Variants in COL28A1 observed in about 807,000 individuals in gnomAD.
COL28A1 encodes the protein collagen alpha-1(XXVIII) chain.
A neutral mutation model predicts 150.2 loss-of-function variants in COL28A1; 161 were observed. That is an observed-to-expected ratio of 1.07 (90% CI 0.94 to 1.22). The LOEUF (loss-of-function observed/expected upper bound fraction) is 1.22, where lower values mean the gene tolerates loss of function less well. COL28A1 is among the 50% of genes most tolerant of loss of function. COL28A1 has a pLI of 0.00. For missense variants in COL28A1, 1,617 were observed against 1,388.3 expected (o/e 1.16, Z -2.62); for synonymous variants, 552 against 469.7 (o/e 1.18, Z -2.26).
intron 15 of COL28A1, among the ~76,000 whole-genome samples, chr7:7,464,678 G>C (rs2128341169): frequency 6.6e-6 from 1 of 152,322 alleles, no homozygotes; most frequent in Non-Finnish European, 1.5e-5. Context: ...TAAGAGGAAA[G>C]TTCATAGCCC....
intron 15 of COL28A1, among the ~76,000 whole-genome samples, chr7:7,473,348 A>T (rs747971785): frequency 1.3e-5 from 2 of 152,190 alleles, no homozygotes; most frequent in Non-Finnish European, 2.9e-5. Context: ...ATCAAGAAAA[A>T]AACAAATAAT....
chr7:7,398,842 C>A (rs1239046100), intron 27 of COL28A1, among the ~76,000 whole-genome samples: 1 of 152,160 alleles, frequency 6.6e-6, no homozygotes, highest in Non-Finnish European at 1.5e-5. Context: ...GTCTCCTTGT[C>A]CTCCTGAGTG....
At chr7:7,408,919 A>G (rs1783634402) in intron 27 of COL28A1, among the ~76,000 whole-genome samples, 1 of 152,060 alleles carries the variant, frequency 6.6e-6, no homozygotes, top group Non-Finnish European at 1.5e-5. Flanking sequence ...TCTCTCTAAC[A>G]TTTATTCTGA....
chr7:7,400,975 G>GGGGTGT (rs1160269291), intron 27 of COL28A1, among the ~76,000 whole-genome samples: 3,308 of 119,134 alleles, frequency 0.028, 98 homozygotes, highest in Non-Finnish European at 0.037. Context: ...TGGGTATTTG[G>GGGGTGT]GTGTGTGTGT....
chr7:7,408,906 TTCTCTC>T (rs948078094), intron 27 of COL28A1, among the ~76,000 whole-genome samples: 1 of 152,140 alleles, frequency 6.6e-6, no homozygotes, highest in Non-Finnish European at 1.5e-5. Context: ...TTGATTAGTT[TTCTCTC>T]TCTAACATTT....
chr7:7,426,326 C>G (rs1784639868), intron 25 of COL28A1, among the ~76,000 whole-genome samples: 1 of 152,178 alleles, frequency 6.6e-6, no homozygotes, highest in East Asian at 1.9e-4. Flanking sequence ...AGGCAGAACT[C>G]TGGAATGAAT....
intron 15 of COL28A1, among the ~76,000 whole-genome samples, chr7:7,462,770 A>G (rs1400232118): frequency 1.3e-5 from 2 of 152,120 alleles, no homozygotes; most frequent in Admixed American, 6.5e-5. Context: ...GTGGCAGGAT[A>G]ATCACTTGAA....
chr7:7,373,172 T>C lies in COL28A1; in HGVS notation c.2734A>G (p.Lys912Glu). The C allele has an allele frequency of 6.2e-7, 1 of 1,614,232 alleles. No homozygotes were observed. Among genetic ancestry groups the C allele is most frequent in the Middle Eastern group, 1.6e-4 (1 of 6,062 alleles). Residue 912 changes from lysine to glutamate, a missense_variant, in exon 32 of 35, where the codon AAA (lysine) becomes GAA (glutamate). Coordinates refer to ENST00000399429, the MANE Select transcript of COL28A1 (RefSeq NM_001037763.3). The surrounding 1 kb of genome is among the most constrained non-coding windows in gnomAD (Gnocchi z 4.1). ...ITDGQTDSRD[K>E]EKLTEVVKNA... is the part of the protein sequence containing the mutation. ...TTCACCACCTCTGTCAGTTTCTCTT[T>C]ATCACGAGAATCTGTCTGTCCATCA...
chr7:7,459,091 A>G (rs563743807), intron 15 of COL28A1, among the ~76,000 whole-genome samples: 1 of 152,372 alleles, frequency 6.6e-6, no homozygotes, highest in South Asian at 2.1e-4. Flanking sequence ...TTGAGGGAAC[A>G]GCAGATAAAA....
intron 27 of COL28A1, among the ~76,000 whole-genome samples, chr7:7,408,497 T>C (rs960597770): frequency 1.3e-5 from 2 of 152,172 alleles, no homozygotes; most frequent in South Asian, 2.1e-4. Flanking sequence ...TTAGATTACA[T>C]ACTATGCACT....
At chr7:7,420,070 C>T (rs1295354280) in intron 25 of COL28A1, 117 bp from the exon 26 acceptor site, 2 of 515,512 alleles carry the variant, frequency 3.9e-6, no homozygotes, top group Non-Finnish European at 6.5e-6. Context: ...TAATTGAACC[C>T]TCTTCTCCTA....
rs1219617272 is a variant in COL28A1, at chr7:7,380,974, C to G, written c.2206-112G>C. The G allele has an allele frequency of 3.4e-6, 3 of 887,848 alleles. No individual in the cohort carries two copies. The African/African-American group carries it at 5.1e-5, about 15-fold the overall frequency. 55.0% of individuals were successfully genotyped at this position (887,848 alleles called of 1,614,324 possible). ...TGGCATCTCTTGAAGACCTTCAGTT[C>G]TTGTTTATACAAATGCAGTATTTGA... is the stretch of plus-strand genomic sequence containing the variant. On this transcript the variant is annotated intron_variant, in intron 28 of 34. Coordinates refer to ENST00000399429, the MANE Select transcript of COL28A1 (RefSeq NM_001037763.3).
chr7:7,348,781 C>T, the COL28A1 span, among the ~76,000 whole-genome samples: 1 of 151,902 alleles, frequency 6.6e-6, no homozygotes, highest in East Asian at 1.9e-4. Context: ...TAGCAGTATC[C>T]CGCAATATTT....
At position 7,510,303 on chromosome 7, in the gene COL28A1, T is replaced by C. The variant is rs182449181; in HGVS notation, c.927+788A>G. Among the ~76,000 whole-genome samples the C allele has an allele frequency of 9.9e-4, 150 of 150,936 alleles. 2 individuals carry two copies. In the East Asian group the frequency reaches 0.022, roughly 22 times the overall value. ...GATTGATTGATTGATTGATTGATTT[T>C]TGAGACGGAGTCACTCTGTCACCCA... On this transcript the variant is annotated intron_variant, in intron 9 of 34. Transcript: ENST00000399429.
At chr7:7,445,694 A>C (rs1170810145) in intron 18 of COL28A1, among the ~76,000 whole-genome samples, 1 of 152,234 alleles carries the variant, frequency 6.6e-6, no homozygotes, top group Admixed American at 6.5e-5. Context: ...TATGGCATTT[A>C]TTAATAGCAA....
intron 10 of COL28A1, among the ~76,000 whole-genome samples, chr7:7,506,302 T>A (rs1780806822): frequency 6.6e-6 from 1 of 152,238 alleles, no homozygotes; most frequent in Non-Finnish European, 1.5e-5. Flanking sequence ...GAGATGTTTG[T>A]TTACTAAACC....
chr7:7,448,620 TTTTA>T (rs1291696552), intron 18 of COL28A1, among the ~76,000 whole-genome samples: 4 of 151,516 alleles, frequency 2.6e-5, no homozygotes, highest in African/African-American at 7.2e-5. Flanking sequence ...ATTTATAACA[TTTTA>T]TTTATGATAA....
chr7:7,500,339 T>C (rs748194063), intron 11 of COL28A1, among the ~76,000 whole-genome samples: 25 of 152,216 alleles, frequency 1.6e-4, no homozygotes, highest in Non-Finnish European at 2.2e-4. Flanking sequence ...GAAATACTTG[T>C]TGCTTCATGT....
intron 10 of COL28A1, 82 bp downstream of exon 10, chr7:7,507,035 G>C (rs1333058197): frequency 2.7e-5 from 20 of 740,558 alleles, no homozygotes; most frequent in Non-Finnish European, 4.3e-5. Context: ...AACTGGCAGA[G>C]GGTGCAAGTG....
Sources: allele counts gnomAD v4.1 joint callset (sites outside exome capture counted in the v4.1 genomes callset), GRCh38; gene constraint gnomAD v4.1.1; non-coding constraint Gnocchi (gnomAD v3.1); transcripts MANE v1.5; gene names NCBI Gene and HGNC (gene_info 2026-07-23, HGNC 2026-07-21).